SORCS1: variants seen among roughly 807,000 people sequenced by gnomAD.
The protein encoded by SORCS1 is VPS10 domain-containing receptor SorCS1.
Under a neutral mutation model 146.1 loss-of-function variants are expected in SORCS1, and 60 were observed. The observed-to-expected ratio is 0.41, with a 90% CI of 0.33 to 0.51. SORCS1 has a LOEUF of 0.51. SORCS1 is among the 20% of genes least tolerant of loss of function. SORCS1 has a pLI of 0.21. For missense variants in SORCS1, 1,352 were observed against 1,487.6 expected (o/e 0.91, Z 1.50); for synonymous variants, 637 against 584.0 (o/e 1.09, Z -1.31).
intron 2 of SORCS1, among the ~76,000 whole-genome samples, chr10:106,861,396 C>T (rs1176868825): frequency 7.6e-5 from 9 of 118,452 alleles, no homozygotes; most frequent in Non-Finnish European, 1.6e-4. Flanking sequence ...TGAGACTCCG[C>T]CTTAAAAAAA....
At chr10:106,604,979 G>A (rs944345408) in intron 23 of SORCS1, among the ~76,000 whole-genome samples, 5 of 152,108 alleles carry the variant, frequency 3.3e-5, no homozygotes, top group East Asian at 1.9e-4. Context: ...TTTCCTCATC[G>A]GTAAAATGGA....
intron 1 of SORCS1, among the ~76,000 whole-genome samples, chr10:107,093,832 G>T (rs905169324): frequency 1.3e-5 from 2 of 151,976 alleles, no homozygotes; most frequent in African/African-American, 4.8e-5. Context: ...ATCCCTTTCT[G>T]TTCTCTACCT....
At chr10:107,078,070 T>C (rs1484651661) in intron 1 of SORCS1, among the ~76,000 whole-genome samples, 1 of 152,130 alleles carries the variant, frequency 6.6e-6, no homozygotes, top group African/African-American at 2.4e-5. Flanking sequence ...AAAGAGAAAT[T>C]AGAAAATTTT....
chr10:106,951,670 A>G (rs1342264065), intron 2 of SORCS1, among the ~76,000 whole-genome samples: 1 of 152,214 alleles, frequency 6.6e-6, no homozygotes, highest in African/African-American at 2.4e-5. Flanking sequence ...ATAAAATACA[A>G]TATAATAAAA....
chr10:106,819,031 G>T (rs530628920), intron 3 of SORCS1, among the ~76,000 whole-genome samples: 1 of 152,230 alleles, frequency 6.6e-6, no homozygotes, highest in East Asian at 1.9e-4. Context: ...TCTTAAAAAA[G>T]ATCTGGAACA....
At chr10:106,952,284 C>G (rs1954722160) in intron 2 of SORCS1, among the ~76,000 whole-genome samples, 1 of 152,116 alleles carries the variant, frequency 6.6e-6, no homozygotes, top group African/African-American at 2.4e-5. Flanking sequence ...GAGATTGGAT[C>G]CCTGGTGTTT....
At chr10:106,736,997 C>A (rs540754170) in intron 5 of SORCS1, among the ~76,000 whole-genome samples, 7 of 152,122 alleles carry the variant, frequency 4.6e-5, no homozygotes, top group Non-Finnish European at 8.8e-5. Context: ...CTCCCCAAGC[C>A]AGAAGCCCAA....
At chr10:106,926,963 A>G (rs1476654866) in intron 2 of SORCS1, among the ~76,000 whole-genome samples, 1 of 152,086 alleles carries the variant, frequency 6.6e-6, no homozygotes, top group Non-Finnish European at 1.5e-5. Flanking sequence ...GTGAAAAATA[A>G]ATAGAAAGAA....
chr10:106,728,322 T>C (rs376713923), intron 6 of SORCS1, among the ~76,000 whole-genome samples: 229 of 152,336 alleles, frequency 1.5e-3, no homozygotes, highest in African/African-American at 5.1e-3. Context: ...TGATCTGTTA[T>C]GTAGCAAGAA....
Position 106,820,624 on chromosome 10 carries a change from G to A in SORCS1, c.726+8950C>T, listed in dbSNP as rs574543099. On this transcript the variant is annotated intron_variant, in intron 3 of 25. Transcript: ENST00000263054. ...GACTTTGTTTTCATGACAGCACCAG[G>A]AGAAAGCTTGGGGCAGTTCTGATAC... is the stretch of plus-strand genomic sequence containing the variant. 7.2e-5 allele frequency among the ~76,000 whole-genome samples: 11 copies of A among 152,284 alleles called. No individual in the cohort carries two copies. The South Asian group carries it at 2.3e-3, about 32-fold the overall frequency.
At chr10:106,996,224 C>CT (rs1474517453) in intron 1 of SORCS1, among the ~76,000 whole-genome samples, 25 of 75,512 alleles carry the variant, frequency 3.3e-4, no homozygotes, top group African/African-American at 6.5e-5. Flanking sequence ...GAGACTCCAT[C>CT]TAAAAAAAAA....
At chr10:106,689,023 C>T (rs965800547) in intron 9 of SORCS1, among the ~76,000 whole-genome samples, 10 of 152,160 alleles carry the variant, frequency 6.6e-5, no homozygotes, top group South Asian at 2.1e-4. Flanking sequence ...CCAGAATACA[C>T]GGAACATAAG....
chr10:106,823,518 C>T (rs549571414), intron 3 of SORCS1, among the ~76,000 whole-genome samples: 45 of 152,296 alleles, frequency 3.0e-4, no homozygotes, highest in African/African-American at 1.0e-3. Context: ...AACCAAAGTT[C>T]AATTCAAATA....
chr10:106,958,351 G>A (rs1316261071), intron 1 of SORCS1, among the ~76,000 whole-genome samples: 4 of 152,208 alleles, frequency 2.6e-5, no homozygotes, highest in Non-Finnish European at 4.4e-5. Context: ...TGAAGGCCAA[G>A]GGATCAGTTC....
chr10:106,686,432 C>T, intron 10 of SORCS1, among the ~76,000 whole-genome samples: 1 of 152,154 alleles, frequency 6.6e-6, no homozygotes, highest in East Asian at 1.9e-4. Flanking sequence ...CTCTCATAGG[C>T]ATTTAATCTC....
the SORCS1 span, among the ~76,000 whole-genome samples, chr10:107,171,336 T>A: frequency 1.8e-4 from 27 of 152,324 alleles, no homozygotes; most frequent in African/African-American, 6.5e-4. Flanking sequence ...AACTACCACC[T>A]TCTTAGTTAT....
At chr10:106,668,952 G>A (rs919260527) in intron 16 of SORCS1, among the ~76,000 whole-genome samples, 1 of 152,074 alleles carries the variant, frequency 6.6e-6, no homozygotes, top group Non-Finnish European at 1.5e-5. Flanking sequence ...TCCAGCTACC[G>A]GTAGAACCCC....
At chr10:106,731,731 A>G (rs760683651) in intron 5 of SORCS1, among the ~76,000 whole-genome samples, 1 of 152,216 alleles carries the variant, frequency 6.6e-6, no homozygotes, top group Non-Finnish European at 1.5e-5. Flanking sequence ...CAACACACAA[A>G]TACAAAAGAT....
chr10:106,724,673 A>G (rs1856023526), intron 6 of SORCS1, among the ~76,000 whole-genome samples: 1 of 152,218 alleles, frequency 6.6e-6, no homozygotes, highest in Admixed American at 6.5e-5. Flanking sequence ...GGACATCTGA[A>G]ATAGACCAAA....
Sources: allele counts gnomAD v4.1 joint callset (sites outside exome capture counted in the v4.1 genomes callset), GRCh38; gene constraint gnomAD v4.1.1; transcripts MANE v1.5; gene names NCBI Gene and HGNC (gene_info 2026-07-23, HGNC 2026-07-21).